Variants in NECAB1 observed in about 807,000 individuals in gnomAD.
NECAB1 encodes the protein N-terminal EF-hand calcium binding protein 1.
In NECAB1, 29 loss-of-function variants were observed where a neutral mutation model predicts 57.5. The observed-to-expected ratio is 0.50, with a 90% CI of 0.38 to 0.69. The LOEUF is 0.69. Ranked by LOEUF, NECAB1 falls within the 30% of genes least tolerant of loss-of-function variation. NECAB1 has a pLI of 0.00. For synonymous variants in NECAB1, 142 were observed against 147.7 expected, an observed-to-expected ratio of 0.96 and a Z score of 0.28; for missense variants, 372 against 413.8, an observed-to-expected ratio of 0.90 and a Z score of 0.88.
At chr8:90,931,729 C>A (rs1266115749) in intron 8 of NECAB1, among the ~76,000 whole-genome samples, 1 of 151,954 alleles carries the variant, frequency 6.6e-6, no homozygotes, top group Non-Finnish European at 1.5e-5. Context: ...CATGGCAAAA[C>A]CCCATCTCTA....
chr8:90,922,290 G>C (rs73694334), intron 6 of NECAB1, among the ~76,000 whole-genome samples: 1 of 152,042 alleles, frequency 6.6e-6, no homozygotes, highest in African/African-American at 2.4e-5. Context: ...ATCCAGGAAC[G>C]TAATTAATTC....
intron 2 of NECAB1, among the ~76,000 whole-genome samples, chr8:90,815,815 T>A (rs567124799): frequency 6.6e-6 from 1 of 152,148 alleles, no homozygotes; most frequent in Admixed American, 6.5e-5. Flanking sequence ...GCTACTTCAG[T>A]AGAGACATGA....
intron 3 of NECAB1, among the ~76,000 whole-genome samples, chr8:90,856,528 A>G (rs550270921): frequency 6.6e-6 from 1 of 152,348 alleles, no homozygotes; most frequent in East Asian, 1.9e-4. Flanking sequence ...TAAAGTTGAT[A>G]CTTAAATATC....
intron 1 of NECAB1, 45 bp downstream of exon 1, chr8:90,792,030 T>C: frequency 6.8e-7 from 1 of 1,473,160 alleles, no homozygotes; most frequent in African/African-American, 1.4e-5. Context: ...CCCAGCACCT[T>C]TCTTTTCCCC....
At chr8:90,829,580 G>T (rs2129718278) in intron 3 of NECAB1, among the ~76,000 whole-genome samples, 1 of 152,054 alleles carries the variant, frequency 6.6e-6, no homozygotes, top group East Asian at 1.9e-4. Context: ...CCCTCAGATG[G>T]GAGTCTGTGG....
At chr8:90,859,014 T>G (rs1371017551) in intron 3 of NECAB1, 3 of 152,166 alleles carry the variant, frequency 2.0e-5, no homozygotes. Context: ...ATTCCCCAAA[T>G]TGAGGAGTAG....
intron 8 of NECAB1, among the ~76,000 whole-genome samples, chr8:90,932,962 C>T (rs998334872): frequency 2.0e-5 from 3 of 151,994 alleles, no homozygotes; most frequent in Non-Finnish European, 2.9e-5. Context: ...AAAGGGCCAA[C>T]AAACTATGAA....
Position 90,880,968 on chromosome 8 carries a change from GA to G in NECAB1, c.260-64del, listed in dbSNP as rs1269503118. On this transcript the variant is annotated intron_variant, in intron 4 of 12. Coordinates refer to ENST00000417640, the MANE Select transcript of NECAB1 (RefSeq NM_022351.5). ...TCATTTAAGGAGTAAATAATTAGTT[GA>G]TTTTTTTGTTTTATGGTTACCTAAA... The G allele has an allele frequency of 2.5e-6, 3 of 1,195,920 alleles. No individual in the cohort carries two copies. The East Asian group carries it at 7.8e-5, about 31-fold the overall frequency. The allele number at this position is 1,195,920 out of a possible 1,614,324, so 74.1% of individuals were successfully genotyped here. A position where few individuals can be genotyped will look rare whatever the true frequency, so the allele number is the denominator to read the frequency against.
At chr8:90,857,727 T>C (rs1812819509) in intron 3 of NECAB1, among the ~76,000 whole-genome samples, 1 of 152,114 alleles carries the variant, frequency 6.6e-6, no homozygotes, top group African/African-American at 2.4e-5. Context: ...TCCTATATTA[T>C]CCCAGATATT....
At chr8:90,832,498 G>A (rs534380167) in intron 3 of NECAB1, among the ~76,000 whole-genome samples, 3 of 152,188 alleles carry the variant, frequency 2.0e-5, no homozygotes, top group African/African-American at 7.2e-5. Context: ...AGAAAAACTG[G>A]TTCTAATTTT....
At chr8:90,904,156 A>T (rs1809577015) in intron 5 of NECAB1, among the ~76,000 whole-genome samples, 1 of 152,180 alleles carries the variant, frequency 6.6e-6, no homozygotes. Context: ...AAATTATTCC[A>T]AGATGATGGT....
chr8:90,948,110 C>A (rs1326312661), intron 10 of NECAB1, among the ~76,000 whole-genome samples: 1 of 152,124 alleles, frequency 6.6e-6, no homozygotes, highest in Non-Finnish European at 1.5e-5. Flanking sequence ...GTCCAGTATA[C>A]TGTTGAAGGT....
chr8:90,888,152 G>C (rs1319915376), intron 5 of NECAB1, among the ~76,000 whole-genome samples: 3 of 152,124 alleles, frequency 2.0e-5, no homozygotes, highest in Admixed American at 6.6e-5. Context: ...CCTTTGTAGG[G>C]ATTTTCTTTT....
In NECAB1 at chr8:90,929,468, A is replaced by T. The variant is rs141937201; in HGVS notation, c.693+1169A>T. Among the ~76,000 whole-genome samples the T allele has an allele frequency of 7.9e-5, 12 of 152,316 alleles. No individual in the cohort carries two copies. In the East Asian group the frequency reaches 1.9e-3, roughly 24 times the overall value. On this transcript the variant is annotated intron_variant, in intron 8 of 12. Coordinates refer to ENST00000417640, the MANE Select transcript of NECAB1 (RefSeq NM_022351.5). ...GTCAGAAGACAAGATAACCCTACAGATCTAAATAGCAAGAAATAGTCAACA... is the reference window on the plus strand; with the variant it reads ...GTCAGAAGACAAGATAACCCTACAGTTCTAAATAGCAAGAAATAGTCAACA...
At chr8:90,855,489 G>A (rs1223110713) in intron 3 of NECAB1, among the ~76,000 whole-genome samples, 1 of 152,154 alleles carries the variant, frequency 6.6e-6, no homozygotes, top group Non-Finnish European at 1.5e-5. Context: ...GAACAGATTG[G>A]AACTTTGGGT....
chr8:90,870,003 T>C (rs2129840321), intron 3 of NECAB1, among the ~76,000 whole-genome samples: 1 of 152,210 alleles, frequency 6.6e-6, no homozygotes, highest in Admixed American at 6.5e-5. Flanking sequence ...CTTCTTGCTG[T>C]TCTTGTGATA....
chr8:90,909,123 A>G (rs1434092612), intron 5 of NECAB1, among the ~76,000 whole-genome samples: 1 of 152,146 alleles, frequency 6.6e-6, no homozygotes, highest in Non-Finnish European at 1.5e-5. Flanking sequence ...TAATTTGACA[A>G]AACTATAGTG....
At chr8:90,848,986 G>C (rs189023480) in intron 3 of NECAB1, among the ~76,000 whole-genome samples, 1 of 152,050 alleles carries the variant, frequency 6.6e-6, no homozygotes, top group Non-Finnish European at 1.5e-5. Flanking sequence ...CTCATGAGAC[G>C]TATTCACTAC....
At position 90,872,809 on chromosome 8, in the gene NECAB1, TA is replaced by T. The variant is rs1448647570; in HGVS notation, c.259+658del. Reference sequence around the variant, plus strand: ...ATCTTTCTCTGAATACTGGAAGGTTTAATGTTTTATGTTTTAAGATAAATGT... The same window carrying T: ...ATCTTTCTCTGAATACTGGAAGGTTTATGTTTTATGTTTTAAGATAAATGT... On this transcript the variant is annotated intron_variant, in intron 4 of 12. Coordinates refer to ENST00000417640, the MANE Select transcript of NECAB1 (RefSeq NM_022351.5). Among the ~76,000 whole-genome samples the T allele has an allele frequency of 3.3e-5, 5 of 152,324 alleles. No homozygotes were observed. The East Asian group carries it at 9.6e-4, about 29-fold the overall frequency.
Sources: allele counts gnomAD v4.1 joint callset (sites outside exome capture counted in the v4.1 genomes callset), GRCh38; gene constraint gnomAD v4.1.1; transcripts MANE v1.5; gene names NCBI Gene and HGNC (gene_info 2026-07-23, HGNC 2026-07-21).